The following GPR39 variants were observed in gnomAD, a reference collection of about 807,000 sequenced individuals.
GPR39 encodes the protein zinc sensing receptor.
A neutral mutation model predicts 18.4 loss-of-function variants in GPR39; 23 were observed. The ratio of observed to expected loss-of-function variants is 1.25; its 90% CI spans 0.90 to 1.77. The LOEUF is 1.77. Ranked by LOEUF, GPR39 falls within the 40% of genes most tolerant of loss-of-function variation. The pLI is 0.00. For missense variants in GPR39, 647 were observed against 602.4 expected (o/e 1.07, Z -0.78); for synonymous variants, 280 against 257.9 (o/e 1.09, Z -0.82).
At chr2:132,588,982 C>T (rs1310117144) in intron 1 of GPR39, among the ~76,000 whole-genome samples, 2 of 147,754 alleles carry the variant, frequency 1.4e-5, no homozygotes, top group East Asian at 2.2e-4. Flanking sequence ...CTCTGATCTC[C>T]CCTTAGAACA....
chr2:132,507,800 T>C (rs1035726319), intron 1 of GPR39, among the ~76,000 whole-genome samples: 1 of 152,182 alleles, frequency 6.6e-6, no homozygotes, highest in South Asian at 2.1e-4. Context: ...TATTACAGTT[T>C]TTACTGTGAG....
chr2:132,474,469 C>T lies in GPR39; in HGVS notation c.856+56571C>T, dbSNP rs1360924252. On this transcript the variant is annotated intron_variant, in intron 1 of 1. Coordinates refer to ENST00000329321, the MANE Select transcript of GPR39 (RefSeq NM_001508.3). ...GGATATGGAGCTTTGGGTCTGTGAG[C>T]TGACTTACGTCTGGAAACTGGGTGA... is the stretch of plus-strand genomic sequence containing the variant. Among the ~76,000 whole-genome samples, 4 of 152,202 alleles carry T rather than the reference C, an allele frequency of 2.6e-5. No homozygotes were observed. In the East Asian group the frequency reaches 5.8e-4, roughly 22 times the overall value.
rs554755730 is a variant in GPR39 at position 132,540,067 on chromosome 2, A to T, written c.857-105034A>T. On this transcript the variant is annotated intron_variant, in intron 1 of 1. Transcript: ENST00000329321. ...AAAATCCGTGTCTACCCTCACTCAC[A>T]TCCTACACCCCCTAACTCCTAAACT... Among the ~76,000 whole-genome samples the T allele has an allele frequency of 1.5e-4, 23 of 152,204 alleles. No individual in the cohort carries two copies. In the South Asian group the frequency reaches 4.8e-3, roughly 32 times the overall value.
At position 132,417,888 on chromosome 2, in the gene GPR39, C is replaced by T. The variant is rs1168640241; in HGVS notation, c.846C>T (p.Ile282=). 1 of 1,587,372 alleles carries T rather than the reference C, an allele frequency of 6.3e-7. No individual in the cohort carries two copies. Among genetic ancestry groups the T allele is most frequent in the Non-Finnish European group, 8.6e-7 (1 of 1,169,354 alleles). ...GCAGGACCGCCAGGAGGCAGACCAT[C>T]ATCTTCCTGAGTGAGTCCTAAGTCG... is the stretch of plus-strand genomic sequence containing the variant. The part of the protein sequence containing the change: ...EESRTARRQT[I]IFLRLIVVTL... The change falls in exon 1 of 2, where the codon ATC becomes ATT. Residue 282 remains isoleucine, a synonymous_variant. Coordinates refer to ENST00000329321, the MANE Select transcript of GPR39 (RefSeq NM_001508.3).
intron 1 of GPR39, among the ~76,000 whole-genome samples, chr2:132,631,581 A>T (rs759545791): frequency 1.3e-5 from 2 of 152,146 alleles, no homozygotes; most frequent in Non-Finnish European, 2.9e-5. Context: ...CACCTCTCTT[A>T]GTATCTCTCC....
At chr2:132,456,497 A>G (rs1680731068) in intron 1 of GPR39, among the ~76,000 whole-genome samples, 2 of 152,098 alleles carry the variant, frequency 1.3e-5, no homozygotes, top group South Asian at 4.1e-4. Flanking sequence ...TAATACTGTT[A>G]TGTGTGAATC....
intron 1 of GPR39, among the ~76,000 whole-genome samples, chr2:132,487,273 ATTC>A (rs1681360170): frequency 6.6e-6 from 1 of 152,234 alleles, no homozygotes; most frequent in Non-Finnish European, 1.5e-5. Context: ...AATTTTGGTT[ATTC>A]TTACTGTATT....
At chr2:132,459,258 T>C (rs1394926838) in intron 1 of GPR39, among the ~76,000 whole-genome samples, 1 of 152,202 alleles carries the variant, frequency 6.6e-6, no homozygotes, top group Non-Finnish European at 1.5e-5. Context: ...AAGGGAAGAT[T>C]GAATGTTAGT....
chr2:132,509,131 G>A (rs185427841), intron 1 of GPR39, among the ~76,000 whole-genome samples: 1 of 152,288 alleles, frequency 6.6e-6, no homozygotes, highest in East Asian at 1.9e-4. Flanking sequence ...CTTCTCCCCA[G>A]CATGACTTAT....
chr2:132,646,126 T>TC lies in GPR39; in HGVS notation c.*524dup, dbSNP rs753529706. 26 of 1,609,816 alleles carry TC rather than the reference T, an allele frequency of 1.6e-5. No homozygotes were observed. The highest frequency in any genetic ancestry group is 2.0e-5 in the Non-Finnish European group (24 of 1,177,790). ...CTGGCCTGAGGGCCGAGGCAGAACT[T>TC]CCCCTTTTCTTGGGCCTTGGCCCGT... On this transcript the variant is annotated 3_prime_UTR_variant, in exon 2 of 2. Coordinates refer to ENST00000329321, the MANE Select transcript of GPR39 (RefSeq NM_001508.3).
chr2:132,557,823 T>G (rs1322537808), intron 1 of GPR39, among the ~76,000 whole-genome samples: 1 of 152,152 alleles, frequency 6.6e-6, no homozygotes, highest in African/African-American at 2.4e-5. Context: ...GGATGTAACT[T>G]AGGTTTATCC....
At chr2:132,590,088 G>A (rs539049868) in intron 1 of GPR39, among the ~76,000 whole-genome samples, 1 of 152,090 alleles carries the variant, frequency 6.6e-6, no homozygotes, top group Non-Finnish European at 1.5e-5. Flanking sequence ...TTTATCATTT[G>A]TTCTTTGACA....
chr2:132,501,054 G>GTTTTTTTTTTTTTTTTTTTT (rs55720929), intron 1 of GPR39, among the ~76,000 whole-genome samples: 1 of 90,324 alleles, frequency 1.1e-5, no homozygotes, highest in Non-Finnish European at 2.2e-5. Context: ...TATCTTTTGT[G>GTTTTTTTTTTTTTTTTTTTT]TTTTTTTTTT....
In GPR39 at chr2:132,487,949, A is replaced by G. The variant is rs118180737; in HGVS notation, c.856+70051A>G. ...ATTTAATCTCAAGAAGGTCACATCA[A>G]AAAGTCCACAACTCAACATATCATA... is the stretch of plus-strand genomic sequence containing the variant. On this transcript the variant is annotated intron_variant, in intron 1 of 1. Transcript: ENST00000329321. 5.1e-4 allele frequency among the ~76,000 whole-genome samples: 78 copies of G among 152,342 alleles called. No homozygotes were observed. The East Asian group carries it at 0.015, about 29-fold the overall frequency.
intron 1 of GPR39, among the ~76,000 whole-genome samples, chr2:132,617,321 A>G (rs1194829731): frequency 1.3e-5 from 2 of 151,914 alleles, no homozygotes; most frequent in Admixed American, 6.6e-5. Flanking sequence ...GGAGGATATT[A>G]CAGAGTTGTT....
In GPR39 at chr2:132,645,954, G is replaced by T. The variant is rs754510082; in HGVS notation, c.*348G>T. ...CTCCCGCTCCCTACCCAGAATAAAA[G>T]GACACCCAGAAGAAACTCACTCAGG... On this transcript the variant is annotated 3_prime_UTR_variant, in exon 2 of 2. Coordinates refer to ENST00000329321, the MANE Select transcript of GPR39 (RefSeq NM_001508.3). The T allele has an allele frequency of 5.2e-6, 5 of 961,408 alleles. No homozygotes were observed. Among genetic ancestry groups the T allele is most frequent in the Non-Finnish European group, 7.6e-6 (5 of 654,960 alleles). The allele number at this position is 961,408 out of a possible 1,614,324, so 59.6% of individuals were successfully genotyped here.
chr2:132,462,880 T>C (rs892741010), intron 1 of GPR39, among the ~76,000 whole-genome samples: 6 of 152,366 alleles, frequency 3.9e-5, no homozygotes, highest in Non-Finnish European at 7.3e-5. Context: ...ATATATGCTA[T>C]GTAGGTACAA....
At chr2:132,602,159 G>A (rs1681053436) in intron 1 of GPR39, among the ~76,000 whole-genome samples, 2 of 152,060 alleles carry the variant, frequency 1.3e-5, no homozygotes, top group Admixed American at 1.3e-4. Context: ...CAAAGCTATA[G>A]TAACCAACAC....
At chr2:132,469,498 A>G (rs1040088184) in intron 1 of GPR39, among the ~76,000 whole-genome samples, 9 of 152,226 alleles carry the variant, frequency 5.9e-5, no homozygotes, top group Non-Finnish European at 5.9e-5. Context: ...TTGAATCGCA[A>G]ATAACACACT....
Sources: allele counts gnomAD v4.1 joint callset (sites outside exome capture counted in the v4.1 genomes callset), GRCh38; gene constraint gnomAD v4.1.1; transcripts MANE v1.5; gene names NCBI Gene and HGNC (gene_info 2026-07-23, HGNC 2026-07-21).